KALRN: variants seen among roughly 807,000 people sequenced by gnomAD.
The protein encoded by KALRN is kalirin RhoGEF kinase, also known as kalirin.
Under a neutral mutation model 353.7 loss-of-function variants are expected in KALRN, and 70 were observed. The ratio of observed to expected loss-of-function variants is 0.20; its 90% confidence interval spans 0.16 to 0.24. KALRN has a LOEUF of 0.24. KALRN is among the 10% of genes least tolerant of loss of function. The pLI is 1.00. For missense variants in KALRN, 2,791 were observed against 3,756.7 expected, an observed-to-expected ratio of 0.74 and a Z score of 6.72; for synonymous variants, 1,391 against 1,434.8, an observed-to-expected ratio of 0.97 and a Z score of 0.69.
At chr3:124,389,746 T>C (rs528313164) in intron 11 of KALRN, among the ~76,000 whole-genome samples, 196 of 152,290 alleles carry the variant, frequency 1.3e-3, no homozygotes, top group Non-Finnish European at 2.4e-3. Flanking sequence ...ACAATTTCAA[T>C]AACACATATA....
At chr3:124,036,874 C>T (rs1577433294) in intron 1 of KALRN, among the ~76,000 whole-genome samples, 1 of 152,098 alleles carries the variant, frequency 6.6e-6, no homozygotes, top group East Asian at 1.9e-4. Context: ...TGTTTCAATC[C>T]CTTGACCAAT....
intron 15 of KALRN, among the ~76,000 whole-genome samples, chr3:124,428,711 T>A (rs575069719): frequency 6.6e-6 from 1 of 152,200 alleles, no homozygotes; most frequent in Non-Finnish European, 1.5e-5. Flanking sequence ...TAAAAATGAA[T>A]AAGGAAATGA....
At chr3:124,595,129 A>G (rs1003867235) in intron 34 of KALRN, among the ~76,000 whole-genome samples, 1 of 152,130 alleles carries the variant, frequency 6.6e-6, no homozygotes, top group African/African-American at 2.4e-5. Flanking sequence ...AAATTATATC[A>G]CTTAGAGATA....
chr3:124,695,394 A>C (rs764846533), intron 53 of KALRN, among the ~76,000 whole-genome samples: 3 of 152,210 alleles, frequency 2.0e-5, no homozygotes, highest in Non-Finnish European at 2.9e-5. Flanking sequence ...TGGGAAAAAG[A>C]AGAAGACCAT....
At chr3:124,622,737 C>A (rs946904144) in intron 34 of KALRN, among the ~76,000 whole-genome samples, 1 of 152,148 alleles carries the variant, frequency 6.6e-6, no homozygotes, top group Non-Finnish European at 1.5e-5. Context: ...ACTTCCAAAT[C>A]GCCTTGGGGT....
rs761165982 is a variant in KALRN, at chr3:124,490,811, T to C, written c.4514T>C (p.Ile1505Thr). Residue 1505 changes from isoleucine (I) to threonine (T), a missense_variant, in exon 30 of 60, where the codon ATC becomes ACC. This residue lies in a region of KALRN where 239 missense variants were observed against 351.3 expected (regional missense o/e 0.68). Transcript: ENST00000682506. ...GAGCGGCACTTGTTCCTCTTTGAGA[T>C]CTCCTTGGTTTTTAGCAAGGAGATC... ...GRERHLFLFE[I>T]SLVFSKEIKD... 6.2e-7 allele frequency: 1 copy of C among 1,613,934 alleles called. No homozygotes were observed. Among genetic ancestry groups the C allele is most frequent in the East Asian group, 2.2e-5 (1 of 44,864 alleles).
intron 13 of KALRN, among the ~76,000 whole-genome samples, chr3:124,409,358 C>T (rs2150216000): frequency 6.6e-6 from 1 of 152,362 alleles, no homozygotes; most frequent in South Asian, 2.1e-4. Flanking sequence ...CTCACTGGCA[C>T]AGGCTTTTCT....
At chr3:124,500,316 G>A (rs773044514) in intron 33 of KALRN, among the ~76,000 whole-genome samples, 8 of 152,120 alleles carry the variant, frequency 5.3e-5, no homozygotes, top group East Asian at 1.9e-4. Flanking sequence ...TAGCCATATC[G>A]CTCTGCAATA....
intron 34 of KALRN, among the ~76,000 whole-genome samples, chr3:124,590,564 G>A (rs981586597): frequency 1.3e-5 from 2 of 152,058 alleles, no homozygotes; most frequent in Admixed American, 6.5e-5. Context: ...CTATTTTGTG[G>A]TATTCCTTTT....
intron 1 of KALRN, among the ~76,000 whole-genome samples, chr3:124,107,223 G>C (rs1482535914): frequency 6.6e-6 from 1 of 152,188 alleles, no homozygotes; most frequent in Non-Finnish European, 1.5e-5. Flanking sequence ...CAGGGCTAGG[G>C]GTGGAGGAAG....
intron 3 of KALRN, among the ~76,000 whole-genome samples, chr3:124,264,143 A>T (rs931966871): frequency 6.6e-6 from 1 of 151,960 alleles, no homozygotes; most frequent in Non-Finnish European, 1.5e-5. Flanking sequence ...AAACTCCGAA[A>T]TGCTGCAACA....
intron 1 of KALRN, among the ~76,000 whole-genome samples, chr3:124,155,034 G>T (rs746727718): frequency 5.6e-4 from 86 of 152,320 alleles, no homozygotes; most frequent in Non-Finnish European, 1.1e-3. Context: ...AATAAATGGT[G>T]CTGGGAAAAC....
intron 45 of KALRN, among the ~76,000 whole-genome samples, chr3:124,664,926 T>C (rs551967383): frequency 1.3e-5 from 2 of 152,338 alleles, no homozygotes; most frequent in African/African-American, 4.8e-5. Context: ...GGCCGAGCTA[T>C]AACCCATGAT....
At chr3:124,492,942 G>T in intron 32 of KALRN, 60 bp downstream of exon 32, 2 of 1,581,054 alleles carry the variant, frequency 1.3e-6, no homozygotes, top group Non-Finnish European at 8.6e-7. Context: ...TGCGGGAATG[G>T]GATGAATCTT....
chr3:124,226,680 A>G (rs1166937811), intron 1 of KALRN, among the ~76,000 whole-genome samples: 3 of 152,170 alleles, frequency 2.0e-5, no homozygotes, highest in Non-Finnish European at 4.4e-5. Flanking sequence ...TCCCTAGGCC[A>G]GTGATCTTAC....
intron 10 of KALRN, among the ~76,000 whole-genome samples, chr3:124,352,679 GT>G (rs200715549): frequency 1.9e-3 from 270 of 144,518 alleles, no homozygotes; most frequent in Middle Eastern, 3.6e-3. Context: ...TTTTTGTTTT[GT>G]TTTTTTTTTT....
At chr3:124,328,375 C>G (rs2080143948) in intron 7 of KALRN, among the ~76,000 whole-genome samples, 1 of 152,188 alleles carries the variant, frequency 6.6e-6, no homozygotes, top group East Asian at 1.9e-4. Context: ...CTCTCTTTGT[C>G]TCTCTGGCAT....
At chr3:124,607,708 C>G (rs2077495296) in intron 34 of KALRN, among the ~76,000 whole-genome samples, 1 of 152,054 alleles carries the variant, frequency 6.6e-6, no homozygotes, top group Admixed American at 6.5e-5. Flanking sequence ...CCTCCACCTC[C>G]TAGGTTCAAG....
chr3:124,555,223 T>C (rs938956997), intron 33 of KALRN, among the ~76,000 whole-genome samples: 6 of 151,444 alleles, frequency 4.0e-5, no homozygotes, highest in African/African-American at 1.5e-4. Context: ...ATCTGCTTTC[T>C]ATCATTAAAG....
Sources: allele counts gnomAD v4.1 joint callset (sites outside exome capture counted in the v4.1 genomes callset), GRCh38; gene constraint gnomAD v4.1.1; regional missense constraint gnomAD v4.1.1; transcripts MANE v1.5; gene names NCBI Gene and HGNC (gene_info 2026-07-23, HGNC 2026-07-21).